Variants in ADAMTSL1 observed in about 807,000 individuals in gnomAD.
ADAMTSL1 encodes ADAMTS like 1.
Under a neutral mutation model 201.8 loss-of-function variants are expected in ADAMTSL1, and 126 were observed. The ratio of observed to expected loss-of-function variants is 0.62; its 90% CI spans 0.54 to 0.72. The LOEUF (loss-of-function observed/expected upper bound fraction) is 0.72. ADAMTSL1 is among the 30% of genes least tolerant of loss of function. ADAMTSL1 has a pLI of 0.00. For synonymous variants in ADAMTSL1, 1,121 were observed against 903.4 expected (o/e 1.24, Z -4.32); for missense variants, 2,679 against 2,277.8 (o/e 1.18, Z -3.59).
intron 2 of ADAMTSL1, among the ~76,000 whole-genome samples, chr9:18,240,165 A>G (rs1831007877): frequency 6.6e-6 from 1 of 152,200 alleles, no homozygotes; most frequent in Non-Finnish European, 1.5e-5. Flanking sequence ...TTAGCCTGAC[A>G]AAATGCATCT....
At chr9:18,838,743 T>C (rs1212037481) in intron 23 of ADAMTSL1, among the ~76,000 whole-genome samples, 3 of 151,766 alleles carry the variant, frequency 2.0e-5, no homozygotes, top group African/African-American at 4.8e-5. Context: ...GGTGTAGTCC[T>C]AGCTGCTTGG....
intron 3 of ADAMTSL1, among the ~76,000 whole-genome samples, chr9:18,543,162 A>G (rs1378420958): frequency 6.6e-6 from 1 of 152,218 alleles, no homozygotes; most frequent in African/African-American, 2.4e-5. Context: ...TATCCACCAA[A>G]AGAAGTCTAA....
At position 18,263,762 on chromosome 9, in the gene ADAMTSL1, C is replaced by T. The variant is rs778579752; in HGVS notation, c.207+99781C>T. ...ATGAGTGTCCTTATAGAAAGAGACT[C>T]GAGAAAGCTGGTTGCTCTATGGACA... is the stretch of plus-strand genomic sequence containing the variant. On this transcript the variant is annotated intron_variant, in intron 2 of 29. Transcript: ENST00000680146. Among the ~76,000 whole-genome samples, 3 of 152,140 alleles carry T rather than the reference C, an allele frequency of 2.0e-5. No individual in the cohort carries two copies. The South Asian group carries it at 6.2e-4, about 32-fold the overall frequency.
chr9:18,240,534 C>A (rs1050266007), intron 2 of ADAMTSL1, among the ~76,000 whole-genome samples: 2 of 152,076 alleles, frequency 1.3e-5, no homozygotes, highest in South Asian at 4.2e-4. Context: ...CAACTTAAAG[C>A]TACCACTCTA....
intron 4 of ADAMTSL1, among the ~76,000 whole-genome samples, chr9:18,592,496 T>A (rs1007322067): frequency 6.6e-6 from 1 of 152,200 alleles, no homozygotes; most frequent in East Asian, 1.9e-4. Context: ...TGTAAGAGGA[T>A]CAGCTTCGAT....
At chr9:18,516,940 G>C (rs190202161) in intron 2 of ADAMTSL1, among the ~76,000 whole-genome samples, 1 of 152,272 alleles carries the variant, frequency 6.6e-6, no homozygotes, top group Non-Finnish European at 1.5e-5. Context: ...ATGAACATCT[G>C]GGTGACATGG....
At chr9:18,316,562 C>G (rs1398196084) in intron 2 of ADAMTSL1, among the ~76,000 whole-genome samples, 1 of 152,152 alleles carries the variant, frequency 6.6e-6, no homozygotes, top group African/African-American at 2.4e-5. Flanking sequence ...TTCCGCCTGG[C>G]TCACTGGTGG....
At chr9:18,173,143 T>G (rs761060700) in intron 2 of ADAMTSL1, among the ~76,000 whole-genome samples, 4 of 152,178 alleles carry the variant, frequency 2.6e-5, no homozygotes, top group Non-Finnish European at 5.9e-5. Flanking sequence ...TCAGTGTGCT[T>G]TAATGACTGA....
chr9:18,063,603 T>C lies in ADAMTSL1; in HGVS notation c.88-100259T>C, dbSNP rs1445342592. On this transcript the variant is annotated intron_variant, in intron 1 of 29. Transcript: ENST00000680146. ...GAAGCGAATGCAGGGAAGGGCCATG[T>C]TGACTAGGACCCGTCAGAATGGCGG... Among the ~76,000 whole-genome samples, 6 of 152,220 alleles carry C rather than the reference T, an allele frequency of 3.9e-5. No individual in the cohort carries two copies. The East Asian group carries it at 1.2e-3, about 29-fold the overall frequency.
intron 1 of ADAMTSL1, among the ~76,000 whole-genome samples, chr9:18,020,002 G>C (rs1055017667): frequency 2.6e-5 from 4 of 152,038 alleles, no homozygotes; most frequent in Admixed American, 6.6e-5. Context: ...GAACACAAAT[G>C]TGTACATTGG....
At chr9:18,439,513 C>T (rs150017152) in intron 2 of ADAMTSL1, among the ~76,000 whole-genome samples, 167 of 152,060 alleles carry the variant, frequency 1.1e-3, no homozygotes, top group African/African-American at 3.4e-3. Flanking sequence ...ATTACAGGTG[C>T]GCGCCACCAC....
At chr9:18,095,796 C>G (rs903805716) in intron 1 of ADAMTSL1, among the ~76,000 whole-genome samples, 6 of 152,114 alleles carry the variant, frequency 3.9e-5, no homozygotes, top group Admixed American at 3.9e-4. Context: ...TGCTCCAGTC[C>G]TGGAATCAGA....
intron 2 of ADAMTSL1, among the ~76,000 whole-genome samples, chr9:18,370,280 CA>C (rs777805758): frequency 2.0e-3 from 248 of 126,854 alleles, no homozygotes; most frequent in East Asian, 4.4e-3. Context: ...GACTCCATCT[CA>C]AAAAAAAAAA....
At chr9:18,542,504 G>T (rs1245861918) in intron 3 of ADAMTSL1, among the ~76,000 whole-genome samples, 2 of 152,130 alleles carry the variant, frequency 1.3e-5, no homozygotes, top group Non-Finnish European at 2.9e-5. Context: ...AGGTCATTAA[G>T]GTGGGCCCTA....
At chr9:18,335,918 G>A (rs1278463967) in intron 2 of ADAMTSL1, among the ~76,000 whole-genome samples, 11 of 152,066 alleles carry the variant, frequency 7.2e-5, no homozygotes, top group Admixed American at 7.2e-4. Context: ...CTGGATTCCT[G>A]CCCTTAATAT....
Position 18,136,233 on chromosome 9 carries a change from T to C in ADAMTSL1, c.88-27629T>C, listed in dbSNP as rs528134919. 3.9e-5 allele frequency among the ~76,000 whole-genome samples: 6 copies of C among 152,282 alleles called. No homozygotes were observed. In the South Asian group the frequency reaches 1.0e-3, roughly 26 times the overall value. On this transcript the variant is annotated intron_variant, in intron 1 of 29. Transcript: ENST00000680146. ...AATAAATATTTCCAAAGAATACCTT[T>C]AGAGAGTCTAATTAAGAACGTCAGA...
intron 14 of ADAMTSL1, among the ~76,000 whole-genome samples, chr9:18,716,438 C>T (rs10811021): frequency 6.6e-6 from 1 of 151,922 alleles, no homozygotes; most frequent in Admixed American, 6.6e-5. Flanking sequence ...GACATGAACA[C>T]AGACTTCTCA....
At chr9:18,387,550 TCACTTAGTATATAACAC>T (rs1217416604) in intron 2 of ADAMTSL1, among the ~76,000 whole-genome samples, 1 of 152,212 alleles carries the variant, frequency 6.6e-6, no homozygotes, top group Non-Finnish European at 1.5e-5. Context: ...TAAAATTATT[TCACTTAGTATATAACAC>T]CACTTGCTTT....
At chr9:18,819,536 C>G (rs1824080138) in intron 21 of ADAMTSL1, among the ~76,000 whole-genome samples, 1 of 151,600 alleles carries the variant, frequency 6.6e-6, no homozygotes, top group African/African-American at 2.4e-5. Flanking sequence ...GGACCAGAAT[C>G]TGGTTGAGGA....
Sources: gnomAD v4.1 joint callset for allele counts (sites outside exome capture counted in the v4.1 genomes callset) on GRCh38, gnomAD v4.1.1 for gene constraint, MANE v1.5 for transcripts, NCBI Gene and HGNC (gene_info 2026-07-23, HGNC 2026-07-21) for gene names.